The following PLAC9 variants were observed in gnomAD, a reference collection of about 807,000 sequenced individuals.
PLAC9 encodes placenta-specific protein 9.
In PLAC9, 12 loss-of-function variants were observed where a neutral mutation model predicts 11.5. The ratio of observed to expected loss-of-function variants is 1.05; its 90% confidence interval spans 0.67 to 1.69. The LOEUF is 1.69. Among genes scored for constraint, PLAC9 ranks in the 40% most tolerant of loss-of-function variants. The pLI, the probability that PLAC9 is intolerant of heterozygous loss-of-function variation, is 0.00. For synonymous variants in PLAC9, 62 were observed against 58.1 expected, an observed-to-expected ratio of 1.07 and a Z score of -0.31; for missense variants, 132 against 130.5, an observed-to-expected ratio of 1.01 and a Z score of -0.06.
intron 1 of PLAC9, among the ~76,000 whole-genome samples, chr10:80,136,656 TTTTATTTATTTA>T (rs138774775): frequency 1.4e-3 from 199 of 146,516 alleles, no homozygotes; most frequent in Admixed American, 5.4e-3. Context: ...TTAATTTTTA[TTTTATTTATTTA>T]TTTATTTATT....
chr10:80,137,725 G>C (rs769457124), intron 1 of PLAC9, among the ~76,000 whole-genome samples: 1 of 152,066 alleles, frequency 6.6e-6, no homozygotes, highest in Non-Finnish European at 1.5e-5. Flanking sequence ...GCTTAGCCTG[G>C]GCAACGTAGT....
At chr10:80,134,316 T>G (rs1289709215) in intron 1 of PLAC9, among the ~76,000 whole-genome samples, 3 of 150,246 alleles carry the variant, frequency 2.0e-5, no homozygotes, top group Admixed American at 6.7e-5. Context: ...CATGCTAGAA[T>G]GCAGTGGCAC....
At chr10:80,137,696 C>T (rs1479227405) in intron 1 of PLAC9, among the ~76,000 whole-genome samples, 5 of 152,182 alleles carry the variant, frequency 3.3e-5, no homozygotes, top group East Asian at 1.9e-4. Flanking sequence ...AGGCGGATCA[C>T]TTAAGCCCAG....
At chr10:80,133,430 T>C (rs1844936149) in intron 1 of PLAC9, among the ~76,000 whole-genome samples, 2 of 152,134 alleles carry the variant, frequency 1.3e-5, no homozygotes, top group African/African-American at 4.8e-5. Flanking sequence ...AAAGGATGAG[T>C]GACCCAGGCT....
intron 2 of PLAC9, 31 bp from the exon 3 acceptor site, chr10:80,144,192 G>T: frequency 6.2e-7 from 1 of 1,614,046 alleles, no homozygotes; most frequent in South Asian, 1.1e-5. Context: ...AACCACTTCT[G>T]TCCTCGACTT....
intron 1 of PLAC9, among the ~76,000 whole-genome samples, chr10:80,136,660 A>T (rs200833602): frequency 0.041 from 1,297 of 31,260 alleles, 37 homozygotes; most frequent in Admixed American, 0.2. Context: ...TTTTTATTTT[A>T]TTTATTTATT....
At chr10:80,136,172 C>T (rs536458732) in intron 1 of PLAC9, among the ~76,000 whole-genome samples, 2 of 152,168 alleles carry the variant, frequency 1.3e-5, no homozygotes, top group Admixed American at 6.5e-5. Flanking sequence ...CTGGGGCCTC[C>T]GGGCTCCACA....
intron 1 of PLAC9, among the ~76,000 whole-genome samples, chr10:80,136,567 G>C (rs2132333755): frequency 6.6e-6 from 1 of 152,194 alleles, no homozygotes; most frequent in East Asian, 1.9e-4. Context: ...AAACTCCTGG[G>C]CTCAAGCGAT....
At chr10:80,134,269 T>A (rs7091890) in intron 1 of PLAC9, among the ~76,000 whole-genome samples, 3,369 of 149,416 alleles carry the variant, frequency 0.023, 42 homozygotes, top group Non-Finnish European at 0.038. Flanking sequence ...TTCTTTCTTT[T>A]TTTTTTTTTT....
At chr10:80,143,538 A>G (rs1001722642) in intron 2 of PLAC9, among the ~76,000 whole-genome samples, 2 of 150,470 alleles carry the variant, frequency 1.3e-5, no homozygotes, top group Non-Finnish European at 3.0e-5. Context: ...CTGAGACTAC[A>G]GACGCGCACC....
chr10:80,144,675 T>C (rs1319503983), intron 3 of PLAC9, among the ~76,000 whole-genome samples: 2 of 152,140 alleles, frequency 1.3e-5, no homozygotes, highest in African/African-American at 4.8e-5. Context: ...AATTTTCCCC[T>C]GAGCAGCCAC....
chr10:80,138,312 C>G (rs764181963), intron 1 of PLAC9, among the ~76,000 whole-genome samples: 17 of 152,106 alleles, frequency 1.1e-4, no homozygotes, highest in Non-Finnish European at 2.1e-4. Flanking sequence ...GACAGCACAG[C>G]CTTTCATCTG....
chr10:80,136,990 C>A (rs1317183967), intron 1 of PLAC9, among the ~76,000 whole-genome samples: 1 of 152,224 alleles, frequency 6.6e-6, no homozygotes, highest in Non-Finnish European at 1.5e-5. Context: ...GTGGCTGAAC[C>A]AGGCTGAGAA....
chr10:80,142,699 G>A (rs1339589091), intron 2 of PLAC9, among the ~76,000 whole-genome samples: 1 of 152,046 alleles, frequency 6.6e-6, no homozygotes, highest in African/African-American at 2.4e-5. Context: ...GTTAAATCAT[G>A]TGATTTAGTG....
Position 80,141,332 on chromosome 10 carries a change from C to T in PLAC9, c.65-750C>T, listed in dbSNP as rs190082492. Among the ~76,000 whole-genome samples the T allele has an allele frequency of 3.7e-3, 560 of 152,194 alleles. 8 individuals are homozygous for T. Among genetic ancestry groups the T allele is most frequent in the Middle Eastern group, 0.031 (9 of 292 alleles). Reference sequence around the variant, plus strand: ...AACCCCCCTTGGCCTGGCTTGGTGGCTTACACCTGTAATCCCAGCACTTTG... The same window carrying T: ...AACCCCCCTTGGCCTGGCTTGGTGGTTTACACCTGTAATCCCAGCACTTTG... On this transcript the variant is annotated intron_variant, in intron 1 of 3. Transcript: ENST00000372263.
chr10:80,140,814 C>A (rs1246656360), intron 1 of PLAC9, among the ~76,000 whole-genome samples: 1 of 152,184 alleles, frequency 6.6e-6, no homozygotes, highest in African/African-American at 2.4e-5. Context: ...CAGGTGTGAG[C>A]CACCATGCCT....
intron 1 of PLAC9, among the ~76,000 whole-genome samples, chr10:80,133,478 C>G (rs1188987374): frequency 1.3e-5 from 2 of 152,194 alleles, no homozygotes; most frequent in African/African-American, 2.4e-5. Context: ...CAGTCGGGCC[C>G]AGGAGAAAGG....
chr10:80,141,515 C>T (rs1382462908), intron 1 of PLAC9, among the ~76,000 whole-genome samples: 1 of 152,190 alleles, frequency 6.6e-6, no homozygotes, highest in African/African-American at 2.4e-5. Flanking sequence ...AGGAGAATCG[C>T]TTGAACCCAG....
rs12246260 is a variant in PLAC9 at position 80,144,040 on chromosome 10, T to C, written c.163-183T>C. On this transcript the variant is annotated intron_variant, in intron 2 of 3. Coordinates refer to ENST00000372263, the MANE Select transcript of PLAC9 (RefSeq NM_001012973.3). ...TTAGAGAGCAAGCCCCCTAGGATAT[T>C]GTCATCTGGGGAAACTGAGGCAGGT... 408 of 750,476 alleles carry C rather than the reference T, an allele frequency of 5.4e-4. 1 individual carries two copies. The African/African-American group carries it at 6.1e-3, about 11-fold the overall frequency. The allele number at this position is 750,476 out of a possible 1,614,324, so 46.5% of individuals were successfully genotyped here.
Sources: allele counts gnomAD v4.1 joint callset (sites outside exome capture counted in the v4.1 genomes callset), GRCh38; gene constraint gnomAD v4.1.1; transcripts MANE v1.5; gene names NCBI Gene and HGNC (gene_info 2026-07-23, HGNC 2026-07-21).